MYT1: variants seen among roughly 807,000 people sequenced by gnomAD.
MYT1 encodes the protein myelin transcription factor I.
Under a neutral mutation model 123.0 loss-of-function variants are expected in MYT1, and 23 were observed. The observed-to-expected ratio is 0.19, with a 90% CI of 0.13 to 0.26. MYT1 has a LOEUF of 0.26. MYT1 is among the 10% of genes least tolerant of loss of function. The probability of loss-of-function intolerance (pLI) is 1.00; values close to 1 mark genes in which losing one functional copy is unlikely to be tolerated. For missense variants in MYT1, 1,125 were observed against 1,472.5 expected (o/e 0.76, Z 3.86); for synonymous variants, 518 against 575.3 (o/e 0.90, Z 1.43).
At position 64,218,897 on chromosome 20, in the gene MYT1, A is replaced by C; in HGVS notation, c.1847-14A>C. On this transcript the variant is annotated splice_polypyrimidine_tract_variant and intron_variant, in intron 11 of 22. Transcript: ENST00000328439. This position sits in a 1 kb window ranked among gnomAD's most constrained non-coding sequence, Gnocchi z 4.0. Reference sequence around the variant, plus strand: ...CCAGTAGTTATGTGAGGAGCACTTCATCCTCTTCTGCAGGCTTTGACTACT... The same window carrying C: ...CCAGTAGTTATGTGAGGAGCACTTCCTCCTCTTCTGCAGGCTTTGACTACT... The C allele has an allele frequency of 6.2e-7, 1 of 1,613,244 alleles. No homozygotes were observed. Among genetic ancestry groups the C allele is most frequent in the African/African-American group, 1.3e-5 (1 of 75,016 alleles).
At chr20:64,237,419 C>A in intron 21 of MYT1, 29 bp downstream of exon 21, 1 of 1,533,950 alleles carries the variant, frequency 6.5e-7, no homozygotes, top group Non-Finnish European at 8.9e-7. Flanking sequence ...CGCTCCTGGG[C>A]TCTTTGCCCA....
rs959138463 is a variant in MYT1, at chr20:64,219,839, G to T, written c.2098G>T (p.Ala700Ser). The T allele has an allele frequency of 1.2e-6, 2 of 1,610,200 alleles. No individual in the cohort carries two copies. The highest frequency in any genetic ancestry group is 2.7e-5 in the African/African-American group (2 of 74,882). ...SSSPGVKSPDASQRHSSTSAP... is the reference protein window; with the variant it reads ...SSSPGVKSPDSSQRHSSTSAP... ...CAGCCCCGGTGTGAAGTCTCCCGACGCCTCCCAGCGCCACAGCAGCACCAG... is the reference window on the plus strand; with the variant it reads ...CAGCCCCGGTGTGAAGTCTCCCGACTCCTCCCAGCGCCACAGCAGCACCAG... The change falls in exon 13 of 23, where the codon GCC (alanine) becomes TCC (serine). Residue 700 changes from alanine to serine, a missense_variant. This residue lies in a region of MYT1 where 429 missense variants were observed against 604.1 expected (regional missense o/e 0.71). Transcript: ENST00000328439.
In MYT1 at chr20:64,221,821, C is replaced by T; in HGVS notation, c.2242-72C>T. ...ACACTGTCCTGAAGGGTCCCTCTCCCTCGCCCACTGGGTTGGGCGCCCAGG... is the reference window on the plus strand; with the variant it reads ...ACACTGTCCTGAAGGGTCCCTCTCCTTCGCCCACTGGGTTGGGCGCCCAGG... On this transcript the variant is annotated intron_variant, in intron 13 of 22. Coordinates refer to ENST00000328439, the MANE Select transcript of MYT1 (RefSeq NM_004535.3). 4.6e-6 allele frequency: 7 copies of T among 1,529,250 alleles called. No homozygotes were observed. In the South Asian group the frequency reaches 8.3e-5, roughly 18 times the overall value. 94.7% of individuals were successfully genotyped at this position (1,529,250 alleles called of 1,614,324 possible). A position where few individuals can be genotyped will look rare whatever the true frequency, so the allele number is the denominator to read the frequency against.
At chr20:64,204,002 C>T (rs750672093) in intron 4 of MYT1, among the ~76,000 whole-genome samples, 7 of 152,216 alleles carry the variant, frequency 4.6e-5, no homozygotes, top group African/African-American at 1.4e-4. Context: ...CCACAAGGAG[C>T]GCAGGCCTGC....
Position 64,210,256 on chromosome 20 carries a change from T to C in MYT1, c.1292-950T>C, listed in dbSNP as rs1026669800. ...GGGACACGGCCCCGGGTGACACAGG[T>C]GGCCAAGCTGAGAACACCAGGCAGT... On this transcript the variant is annotated intron_variant, in intron 7 of 22. Transcript: ENST00000328439. Among the ~76,000 whole-genome samples the C allele has an allele frequency of 6.6e-5, 10 of 152,298 alleles. No homozygotes were observed. In the South Asian group the frequency reaches 2.1e-3, roughly 32 times the overall value.
chr20:64,223,635 C>T (rs1984078212), intron 16 of MYT1, among the ~76,000 whole-genome samples: 2 of 152,128 alleles, frequency 1.3e-5, no homozygotes, highest in Non-Finnish European at 2.9e-5. Context: ...TGACCCATCC[C>T]CCACCCTCCA....
chr20:64,216,382 G>A (rs1601717518), intron 10 of MYT1, among the ~76,000 whole-genome samples: 1 of 152,350 alleles, frequency 6.6e-6, no homozygotes, highest in East Asian at 1.9e-4. Flanking sequence ...TTTTGTGCAT[G>A]TAAAATCCTG....
At chr20:64,180,039 C>T (rs6011325) in intron 1 of MYT1, among the ~76,000 whole-genome samples, 137,753 of 151,564 alleles carry the variant, frequency 0.91, 62,649 homozygotes, top group East Asian at 0.99. Context: ...AGTTACATGC[C>T]ACACAGTCAC....
chr20:64,234,850 T>C (rs866781062), intron 19 of MYT1, among the ~76,000 whole-genome samples: 94 of 144,166 alleles, frequency 6.5e-4, no homozygotes, highest in Admixed American at 2.8e-3. Flanking sequence ...TGGGTGACCC[T>C]GGGCTGGCCG....
intron 6 of MYT1, 51 bp downstream of exon 6, chr20:64,205,851 G>A (rs1983477141): frequency 1.3e-6 from 2 of 1,593,904 alleles, no homozygotes; most frequent in African/African-American, 1.3e-5. Context: ...GTGTGGCCCT[G>A]GAGAATTGCA....
chr20:64,240,005 GC>G lies in MYT1; in HGVS notation c.3237+105del, dbSNP rs988383311. On this transcript the variant is annotated intron_variant, in intron 22 of 22. Coordinates refer to ENST00000328439, the MANE Select transcript of MYT1 (RefSeq NM_004535.3). ...CCCACCCCCTCTGCCTCTGGGTCCT[GC>G]CCTAGGGGCCCTGTGCCCTTGTGGA... is the stretch of plus-strand genomic sequence containing the variant. The G allele has an allele frequency of 2.9e-5, 43 of 1,489,238 alleles. No individual in the cohort carries two copies. The East Asian group carries it at 7.9e-4, about 27-fold the overall frequency. 92.3% of individuals were successfully genotyped at this position (1,489,238 alleles called of 1,614,324 possible). A position where few individuals can be genotyped will look rare whatever the true frequency, so the allele number is the denominator to read the frequency against.
At chr20:64,233,655 AGCCT>A (rs966559198) in intron 19 of MYT1, among the ~76,000 whole-genome samples, 7 of 151,130 alleles carry the variant, frequency 4.6e-5, no homozygotes, top group African/African-American at 1.7e-4. Context: ...TAGGTGGGAC[AGCCT>A]GTAAACAAAT....
At chr20:64,173,573 T>G (rs1446556710) in intron 1 of MYT1, among the ~76,000 whole-genome samples, 9 of 146,712 alleles carry the variant, frequency 6.1e-5, no homozygotes, top group South Asian at 2.2e-4. Flanking sequence ...CCTCCCTGAC[T>G]TCTCCTCCTG....
In MYT1 at chr20:64,165,033, G is replaced by A. The variant is rs545755028; in HGVS notation, c.-99+294G>A. On this transcript the variant is annotated intron_variant, in intron 1 of 22. Transcript: ENST00000328439. ...CTGACAGAGGAGACATTAGGGGAAG[G>A]GGAGCGCATATCAAAACCAGAAACT... 2.0e-5 allele frequency among the ~76,000 whole-genome samples: 3 copies of A among 152,202 alleles called. No individual in the cohort carries two copies. In the South Asian group the frequency reaches 6.2e-4, roughly 32 times the overall value.
intron 1 of MYT1, among the ~76,000 whole-genome samples, chr20:64,170,088 C>T (rs543127321): frequency 6.6e-6 from 1 of 152,246 alleles, no homozygotes; most frequent in African/African-American, 2.4e-5. Context: ...AGCCTGTCCC[C>T]AGCATACCCT....
In MYT1 at chr20:64,212,642, C is replaced by T. The variant is rs191867780; in HGVS notation, c.1517+504C>T. ...CATTCAGAAAACCTCTGCACACTGG[C>T]TCTTGCTCCTGAGTGGGAAGGGCAG... On this transcript the variant is annotated intron_variant, in intron 9 of 22. Transcript: ENST00000328439. The surrounding 1 kb of genome is among the most constrained non-coding windows in gnomAD (Gnocchi z 6.8). 2.0e-4 allele frequency among the ~76,000 whole-genome samples: 31 copies of T among 152,324 alleles called. No individual in the cohort carries two copies. The highest frequency in any genetic ancestry group is 7.0e-4 in the African/African-American group (29 of 41,564).
chr20:64,221,935 G>A lies in MYT1; in HGVS notation c.2284G>A (p.Asp762Asn). The A allele has an allele frequency of 6.2e-7, 1 of 1,613,782 alleles. No homozygotes were observed. The highest frequency in any genetic ancestry group is 8.5e-7 in the Non-Finnish European group (1 of 1,180,044). ...AHSFASSEAD[D>N]QEVSEENFEE... ...TTCTTTTGCTTCTTCTGAAGCAGAT[G>A]ACCAGGAAGTGTCGGAAGAGAATTT... is the stretch of plus-strand genomic sequence containing the variant. Residue 762 changes from aspartate (D) to asparagine (N), a missense_variant, in exon 14 of 23, where the codon GAC becomes AAC. Coordinates refer to ENST00000328439, the MANE Select transcript of MYT1 (RefSeq NM_004535.3).
At chr20:64,234,872 C>A (rs1601726003) in intron 19 of MYT1, among the ~76,000 whole-genome samples, 1 of 140,888 alleles carries the variant, frequency 7.1e-6, no homozygotes, top group Admixed American at 7.1e-5. Context: ...GGTGGGTGAC[C>A]CTGGGATGGC....
At chr20:64,214,620 C>T (rs1863634196) in intron 10 of MYT1, among the ~76,000 whole-genome samples, 1 of 152,246 alleles carries the variant, frequency 6.6e-6, no homozygotes, top group South Asian at 2.1e-4. Context: ...GACACTTCCA[C>T]TGCTCCTGTC....
Sources: gnomAD v4.1 joint callset for allele counts (sites outside exome capture counted in the v4.1 genomes callset) on GRCh38, gnomAD v4.1.1 for gene constraint, gnomAD v4.1.1 regional missense constraint, Gnocchi (gnomAD v3.1) non-coding constraint, MANE v1.5 for transcripts, NCBI Gene and HGNC (gene_info 2026-07-23, HGNC 2026-07-21) for gene names.